RBSN: variants seen among roughly 807,000 people sequenced by gnomAD.
RBSN encodes the protein rabenosyn-5.
RBSN carries 34 observed loss-of-function variants against 60.5 expected under a neutral mutation model. The observed-to-expected ratio is 0.56, with a 90% CI of 0.43 to 0.75. The LOEUF is 0.75. RBSN is among the 30% of genes least tolerant of loss of function. The pLI is 0.00. For synonymous variants in RBSN, 322 were observed against 366.9 expected, an observed-to-expected ratio of 0.88 and a Z score of 1.40; for missense variants, 845 against 986.8, an observed-to-expected ratio of 0.86 and a Z score of 1.92.
rs761147758 is a variant in RBSN, at chr3:15,078,083, G to A, written c.990C>T (p.Asp330=). ...CACTTAATGGACCTTACCTTAAAGCGTCTATCAGCTCATACACTTTCTGCA... is the reference window on the plus strand; with the variant it reads ...CACTTAATGGACCTTACCTTAAAGCATCTATCAGCTCATACACTTTCTGCA... ...VEVQKVYELI[D]ALSKKILTLG... is the part of the protein sequence containing the mutation. Residue 330 remains aspartate (D), a synonymous_variant, in exon 11 of 14, where the codon GAC becomes GAT. Coordinates refer to ENST00000253699, the MANE Select transcript of RBSN (RefSeq NM_022340.4). 241 of 1,613,904 alleles carry A rather than the reference G, an allele frequency of 1.5e-4. 2 individuals carry two copies. The East Asian group carries it at 3.2e-3, about 21-fold the overall frequency.
At chr3:15,089,890 G>A (rs1037320109) in intron 5 of RBSN, among the ~76,000 whole-genome samples, 35 of 152,206 alleles carry the variant, frequency 2.3e-4, no homozygotes, top group South Asian at 4.2e-4. Flanking sequence ...GAGCCACCGC[G>A]CCCAGCTTAG....
chr3:15,098,854 T>A (rs2043745258), intron 1 of RBSN, among the ~76,000 whole-genome samples, 181 bp downstream of exon 1: 1 of 152,126 alleles, frequency 6.6e-6, no homozygotes, highest in South Asian at 2.1e-4. Context: ...ACGCCCCGCG[T>A]AACCGCACAA....
At position 15,073,941 on chromosome 3, in the gene RBSN, C is replaced by A. The variant is rs2042980676; in HGVS notation, c.2196G>T (p.Glu732Asp). The change falls in exon 14 of 14, where the codon GAG becomes GAT. Residue 732 changes from glutamate (E) to aspartate (D), a missense_variant. Transcript: ENST00000253699. ...GCAGGAGGAGCTCTTCCTCTATGGG[C>A]TCCTCAGCCTCTGGCCCACTGTCAC... ...MDSDSGPEAE[E>D]PIEEELLLQQ... is the part of the protein sequence containing the mutation. The A allele has an allele frequency of 4.3e-6, 7 of 1,614,026 alleles. No individual in the cohort carries two copies. Among genetic ancestry groups the A allele is most frequent in the Admixed American group, 1.7e-5 (1 of 60,002 alleles).
chr3:15,089,707 T>C (rs1215133955), intron 5 of RBSN, among the ~76,000 whole-genome samples: 4 of 151,728 alleles, frequency 2.6e-5, no homozygotes, highest in Admixed American at 2.6e-4. Flanking sequence ...GCTTCCTGGG[T>C]TCACGCCATT....
intron 12 of RBSN, among the ~76,000 whole-genome samples, chr3:15,076,753 G>A (rs899049928): frequency 7.2e-5 from 11 of 152,186 alleles, no homozygotes; most frequent in African/African-American, 2.2e-4. Context: ...AAAGGAAAAC[G>A]GTTAAAGAAT....
chr3:15,077,859 CTCTT>C lies in RBSN; in HGVS notation c.998+212_998+215del, dbSNP rs1377289593. Among the ~76,000 whole-genome samples the C allele has an allele frequency of 6.6e-6, 1 of 152,210 alleles. No individual in the cohort carries two copies. The highest frequency in any genetic ancestry group is 6.5e-5 in the Admixed American group (1 of 15,278). ...GGTGATAGGTGTCAATAACCAGCTC[CTCTT>C]TCTTTAATAATAGCAAACATTAGAA... On this transcript the variant is annotated intron_variant, in intron 11 of 13. Transcript: ENST00000253699. The surrounding 1 kb of genome is among the most constrained non-coding windows in gnomAD (Gnocchi z 4.4).
At chr3:15,075,003 T>C (rs1250327645) in intron 13 of RBSN, 73 bp from the exon 14 acceptor site, 14 of 1,501,760 alleles carry the variant, frequency 9.3e-6, no homozygotes, top group African/African-American at 1.4e-5. Flanking sequence ...ACCCACCCTC[T>C]GTTGTCCCTC....
chr3:15,085,693 C>T (rs2043320204), intron 6 of RBSN, among the ~76,000 whole-genome samples, 168 bp downstream of exon 6: 1 of 152,108 alleles, frequency 6.6e-6, no homozygotes. Context: ...GGAATGCTGG[C>T]CCAGGCTAGA....
chr3:15,073,918 A>G lies in RBSN; in HGVS notation c.2219T>C (p.Leu740Pro), dbSNP rs1178835517. 1 of 1,614,022 alleles carries G rather than the reference A, an allele frequency of 6.2e-7. No homozygotes were observed. Among genetic ancestry groups the G allele is most frequent in the East Asian group, 2.2e-5 (1 of 44,890 alleles). Residue 740 changes from leucine to proline, a missense_variant, in exon 14 of 14, where the codon CTG (leucine) becomes CCG (proline). Leu to Pro is a moderately conservative substitution (Grantham distance 98, BLOSUM62 -3). Coordinates refer to ENST00000253699, the MANE Select transcript of RBSN (RefSeq NM_022340.4). ...TGCCTTGATGTTATCGATCTGCTGC[A>G]GGAGGAGCTCTTCCTCTATGGGCTC... The part of the protein sequence containing the change: ...AEEPIEEELL[L>P]QQIDNIKAYI...
At position 15,071,474 on chromosome 3, in the gene RBSN, T is replaced by C. The variant is rs907872801; in HGVS notation, c.*2308A>G. On this transcript the variant is annotated 3_prime_UTR_variant, in exon 14 of 14. Coordinates refer to ENST00000253699, the MANE Select transcript of RBSN (RefSeq NM_022340.4). ...GGCCTGTACCAGGCAACATCTTAGA[T>C]GCCTGGTTGCCAACTTCTCAAAACA... 4 of 152,206 alleles carry C rather than the reference T, an allele frequency of 2.6e-5. No individual in the cohort carries two copies. The highest frequency in any genetic ancestry group is 2.0e-4 in the Admixed American group (3 of 15,280). The allele number at this position is 152,206 out of a possible 1,614,324, so 9.4% of individuals were successfully genotyped here.
chr3:15,090,682 T>C lies in RBSN; in HGVS notation c.149-143A>G. ...AGAAATATTTAGATCTCAAGTAAAA[T>C]GCAGGAGCAAGCACACAAACACTAT... On this transcript the variant is annotated intron_variant, in intron 4 of 13. Coordinates refer to ENST00000253699, the MANE Select transcript of RBSN (RefSeq NM_022340.4). The C allele has an allele frequency of 3.4e-6, 4 of 1,188,146 alleles. No individual in the cohort carries two copies. In the South Asian group the frequency reaches 4.8e-5, roughly 14 times the overall value. The allele number at this position is 1,188,146 out of a possible 1,614,324, so 73.6% of individuals were successfully genotyped here.
chr3:15,089,336 G>A (rs2043432745), intron 5 of RBSN, among the ~76,000 whole-genome samples: 1 of 149,352 alleles, frequency 6.7e-6, no homozygotes, highest in Non-Finnish European at 1.5e-5. Context: ...GATGGATGGT[G>A]TGCACCAGTA....
Position 15,074,164 on chromosome 3 carries a change from A to C in RBSN, c.1973T>G (p.Leu658Arg). Residue 658 changes from leucine (L) to arginine (R), a missense_variant, in exon 14 of 14, where the codon CTG (leucine) becomes CGG (arginine). By Grantham distance (102) the Leu-to-Arg change is moderately radical. Coordinates refer to ENST00000253699, the MANE Select transcript of RBSN (RefSeq NM_022340.4). The surrounding 1 kb of genome is among the most constrained non-coding windows in gnomAD (Gnocchi z 6.4). ...TTCCTCGAAAGGATTGTACTCTTTC[A>C]GGATGCGGGCTGAAGGGTCTAAGGA... ...GVSLDPSARI[L>R]KEYNPFEEED... 6.2e-7 allele frequency: 1 copy of C among 1,613,776 alleles called. No homozygotes were observed. The highest frequency in any genetic ancestry group is 8.5e-7 in the Non-Finnish European group (1 of 1,179,790).
At chr3:15,095,723 T>A in intron 4 of RBSN, 1 of 565,474 alleles carries the variant, frequency 1.8e-6, no homozygotes, top group Non-Finnish European at 3.1e-6. Context: ...TCTGAGTGGC[T>A]TCAGACAAGT....
At chr3:15,080,278 C>T (rs1441200900) in intron 10 of RBSN, among the ~76,000 whole-genome samples, 4 of 151,102 alleles carry the variant, frequency 2.6e-5, no homozygotes, top group African/African-American at 9.7e-5. Context: ...TGTCAGGATA[C>T]ATTTGGCCCA....
At chr3:15,090,769 G>A (rs2043491487) in intron 4 of RBSN, among the ~76,000 whole-genome samples, 1 of 152,066 alleles carries the variant, frequency 6.6e-6, no homozygotes, top group Non-Finnish European at 1.5e-5. Context: ...TGGTTTAGGC[G>A]GCCAACATAT....
chr3:15,078,360 G>A lies in RBSN; in HGVS notation c.912-199C>T, dbSNP rs571130281. Among the ~76,000 whole-genome samples the A allele has an allele frequency of 7.9e-5, 12 of 152,250 alleles. No homozygotes were observed. In the South Asian group the frequency reaches 1.5e-3, roughly 18 times the overall value. On this transcript the variant is annotated intron_variant, in intron 10 of 13. Coordinates refer to ENST00000253699, the MANE Select transcript of RBSN (RefSeq NM_022340.4). ...GGAAGTGATGTTTCGATTTGCAGAC[G>A]CAACAGGGACAGATTCATGCCAAGG...
Position 15,073,292 on chromosome 3 carries a change from A to T in RBSN, c.*490T>A, listed in dbSNP as rs1364882913. The T allele has an allele frequency of 6.4e-6, 1 of 155,556 alleles. No homozygotes were observed. Among genetic ancestry groups the T allele is most frequent in the African/African-American group, 2.4e-5 (1 of 41,438 alleles). The allele number at this position is 155,556 out of a possible 1,614,324, so 9.6% of individuals were successfully genotyped here. On this transcript the variant is annotated 3_prime_UTR_variant, in exon 14 of 14. Transcript: ENST00000253699. ...GGAACTCACAGCCTACTAGGGATGG[A>T]CTTCTGTCAGAGCAGAATAGAGCTC...
chr3:15,078,027 A>T (rs1254365746), intron 11 of RBSN, 48 bp downstream of exon 11: 4 of 1,512,794 alleles, frequency 2.6e-6, no homozygotes, highest in African/African-American at 1.4e-5. Context: ...TTAGAACAGC[A>T]TCTTCTCCAT....
Sources: allele counts gnomAD v4.1 joint callset (sites outside exome capture counted in the v4.1 genomes callset), GRCh38; gene constraint gnomAD v4.1.1; non-coding constraint Gnocchi (gnomAD v3.1); transcripts MANE v1.5; gene names NCBI Gene and HGNC (gene_info 2026-07-23, HGNC 2026-07-21).